The following MAML2 variants were observed in gnomAD, a reference collection of about 807,000 sequenced individuals.
The protein encoded by MAML2 is mastermind-like protein 2.
In MAML2, 22 loss-of-function variants were observed where a neutral mutation model predicts 96.1. That is an observed-to-expected ratio of 0.23 (90% CI 0.16 to 0.33). The LOEUF is 0.33. Ranked by LOEUF, MAML2 falls within the 10% of genes least tolerant of loss-of-function variation. The pLI, the probability that MAML2 is intolerant of heterozygous loss-of-function variation, is 1.00. For missense variants in MAML2, 1,367 were observed against 1,392.4 expected (o/e 0.98, Z 0.29); for synonymous variants, 561 against 521.3 (o/e 1.08, Z -1.04).
intron 1 of MAML2, among the ~76,000 whole-genome samples, chr11:96,147,942 G>A (rs1349303538): frequency 6.6e-6 from 1 of 152,198 alleles, no homozygotes; most frequent in Non-Finnish European, 1.5e-5. Context: ...CACTCTGAAA[G>A]AACAGTCAGG....
chr11:96,117,982 A>G (rs1413964499), intron 1 of MAML2, among the ~76,000 whole-genome samples: 1 of 152,230 alleles, frequency 6.6e-6, no homozygotes, highest in Non-Finnish European at 1.5e-5. Flanking sequence ...ATGAATAAGA[A>G]TTCATCATTC....
At chr11:95,996,543 T>C (rs1304189706) in intron 2 of MAML2, among the ~76,000 whole-genome samples, 1 of 152,192 alleles carries the variant, frequency 6.6e-6, no homozygotes, top group African/African-American at 2.4e-5. Context: ...AAGAATGAGA[T>C]AAATCCTTTC....
At chr11:96,299,370 C>T (rs1483551770) in intron 1 of MAML2, among the ~76,000 whole-genome samples, 1 of 151,472 alleles carries the variant, frequency 6.6e-6, no homozygotes, top group Non-Finnish European at 1.5e-5. Context: ...GAAGGCAGCT[C>T]TTAGGATTAA....
At chr11:96,047,930 A>AAAAAAAAAAAAAAAAAAAAAAG (rs1555001442) in intron 2 of MAML2, among the ~76,000 whole-genome samples, 4 of 127,396 alleles carry the variant, frequency 3.1e-5, no homozygotes, top group Non-Finnish European at 6.5e-5. Context: ...AAAAAAAAAA[A>AAAAAAAAAAAAAAAAAAAAAAG]AAAAGAAAAA....
chr11:96,302,467 C>A (rs1023419669), intron 1 of MAML2, among the ~76,000 whole-genome samples: 2 of 152,146 alleles, frequency 1.3e-5, no homozygotes, highest in Non-Finnish European at 1.5e-5. Flanking sequence ...AATCAAGGTG[C>A]CCTCTTGCCC....
At chr11:96,323,572 ATTAAC>A (rs1224067663) in intron 1 of MAML2, among the ~76,000 whole-genome samples, 1 of 152,166 alleles carries the variant, frequency 6.6e-6, no homozygotes, top group East Asian at 1.9e-4. Flanking sequence ...CTTACAATGA[ATTAAC>A]TTATTTAAAC....
At chr11:96,245,705 ATT>A (rs59597889) in intron 1 of MAML2, among the ~76,000 whole-genome samples, 17 of 136,926 alleles carry the variant, frequency 1.2e-4, no homozygotes, top group African/African-American at 3.8e-4. Flanking sequence ...CCCATACCTA[ATT>A]TTTTTTTTTT....
At chr11:96,159,915 C>T (rs542595625) in intron 1 of MAML2, among the ~76,000 whole-genome samples, 1 of 152,328 alleles carries the variant, frequency 6.6e-6, no homozygotes, top group South Asian at 2.1e-4. Context: ...CCCACTGCCT[C>T]TACTCTATAT....
chr11:96,255,316 T>C (rs10501849), intron 1 of MAML2, among the ~76,000 whole-genome samples: 13,871 of 152,328 alleles, frequency 0.091, 763 homozygotes, highest in South Asian at 0.15. Flanking sequence ...TGCTGATTAC[T>C]GACTGAGCAT....
chr11:96,059,863 A>G (rs1056981397), intron 2 of MAML2, among the ~76,000 whole-genome samples: 3 of 152,242 alleles, frequency 2.0e-5, no homozygotes, highest in African/African-American at 7.2e-5. Context: ...GGATGGAAGA[A>G]AAGTGGTCCT....
intron 1 of MAML2, among the ~76,000 whole-genome samples, chr11:96,097,658 A>G (rs1037580161): frequency 6.6e-6 from 1 of 152,224 alleles, no homozygotes; most frequent in Admixed American, 6.5e-5. Context: ...GTTTCAAAAT[A>G]TATTAATTTA....
At chr11:96,292,047 A>G (rs540750540) in intron 1 of MAML2, among the ~76,000 whole-genome samples, 2 of 152,356 alleles carry the variant, frequency 1.3e-5, no homozygotes, top group East Asian at 3.9e-4. Context: ...TTTGTCTCAT[A>G]ACTTAGCAAA....
At chr11:96,270,584 C>T (rs920154710) in intron 1 of MAML2, among the ~76,000 whole-genome samples, 6 of 152,154 alleles carry the variant, frequency 3.9e-5, no homozygotes, top group African/African-American at 1.2e-4. Flanking sequence ...GCTGGGATTA[C>T]AGGCATGAGC....
intron 1 of MAML2, among the ~76,000 whole-genome samples, chr11:96,126,794 T>C (rs1860445995): frequency 6.6e-6 from 1 of 152,212 alleles, no homozygotes; most frequent in Non-Finnish European, 1.5e-5. Flanking sequence ...ACAAATGTCA[T>C]TGAGCAGTTC....
intron 4 of MAML2, among the ~76,000 whole-genome samples, chr11:95,982,729 T>C (rs1337793667): frequency 6.6e-6 from 1 of 152,170 alleles, no homozygotes; most frequent in Non-Finnish European, 1.5e-5. Context: ...TAAAAAACCA[T>C]GTTTTAAGTA....
chr11:96,038,576 C>T (rs775382804), intron 2 of MAML2, among the ~76,000 whole-genome samples: 11 of 152,188 alleles, frequency 7.2e-5, no homozygotes, highest in Admixed American at 1.3e-4. Flanking sequence ...AGCAAGAGAC[C>T]CATATACCAA....
At chr11:96,264,640 C>T (rs531955978) in intron 1 of MAML2, among the ~76,000 whole-genome samples, 16 of 152,260 alleles carry the variant, frequency 1.1e-4, no homozygotes, top group Middle Eastern at 3.4e-3. Flanking sequence ...TCCACTCTAC[C>T]GTACTGGTTT....
At chr11:96,077,919 T>C (rs1297675983) in intron 2 of MAML2, among the ~76,000 whole-genome samples, 1 of 152,194 alleles carries the variant, frequency 6.6e-6, no homozygotes, top group Non-Finnish European at 1.5e-5. Flanking sequence ...GTACCTACAC[T>C]GTAAATGTCC....
At chr11:96,335,204 A>G (rs1364651032) in intron 1 of MAML2, among the ~76,000 whole-genome samples, 1 of 152,258 alleles carries the variant, frequency 6.6e-6, no homozygotes, top group Non-Finnish European at 1.5e-5. Context: ...ACACATCTGT[A>G]TTACAAGCAA....
Sources: gnomAD v4.1 joint callset for allele counts (sites outside exome capture counted in the v4.1 genomes callset) on GRCh38, gnomAD v4.1.1 for gene constraint, MANE v1.5 for transcripts, NCBI Gene and HGNC (gene_info 2026-07-23, HGNC 2026-07-21) for gene names.